MAPK6: variants seen among roughly 807,000 people sequenced by gnomAD.
The protein encoded by MAPK6 is mitogen-activated protein kinase 6.
MAPK6 carries 19 observed loss-of-function variants against 59.3 expected under a neutral mutation model. The observed-to-expected ratio is 0.32, with a 90% CI of 0.22 to 0.47. The LOEUF is 0.47. MAPK6 is among the 20% of genes least tolerant of loss of function. MAPK6 has a pLI of 1.00. For missense variants in MAPK6, 724 were observed against 847.9 expected (o/e 0.85, Z 1.81); for synonymous variants, 316 against 290.3 (o/e 1.09, Z -0.90).
intron 5 of MAPK6, among the ~76,000 whole-genome samples, chr15:52,061,829 A>G (rs1164490112): frequency 6.6e-6 from 1 of 152,194 alleles, no homozygotes; most frequent in African/African-American, 2.4e-5. Context: ...CCGTTAATTA[A>G]AACATTTAAT....
chr15:52,026,638 C>T (rs757985935), intron 1 of MAPK6, among the ~76,000 whole-genome samples: 66 of 152,144 alleles, frequency 4.3e-4, no homozygotes, highest in Admixed American at 4.6e-4. Context: ...CCTATAGTCA[C>T]AGGCCTATGT....
chr15:52,040,264 T>G (rs2031376312), intron 1 of MAPK6, among the ~76,000 whole-genome samples: 1 of 152,222 alleles, frequency 6.6e-6, no homozygotes, highest in African/African-American at 2.4e-5. Context: ...AACCTTTCCC[T>G]TCTGTCCAAA....
At chr15:52,049,223 T>C (rs528796682) in intron 2 of MAPK6, among the ~76,000 whole-genome samples, 14 of 152,312 alleles carry the variant, frequency 9.2e-5, no homozygotes, top group Non-Finnish European at 1.9e-4. Context: ...GGTTTATAAG[T>C]AGCACCTCTG....
At chr15:52,044,907 T>C (rs1172849698) in intron 1 of MAPK6, among the ~76,000 whole-genome samples, 1 of 151,120 alleles carries the variant, frequency 6.6e-6, no homozygotes, top group African/African-American at 2.4e-5. Context: ...GAATTTGGTA[T>C]TTGTCTCATT....
intron 3 of MAPK6, among the ~76,000 whole-genome samples, chr15:52,005,785 C>A (rs1264625056): frequency 6.6e-6 from 1 of 152,096 alleles, no homozygotes; most frequent in African/African-American, 2.4e-5. Context: ...AGTGGCAGAA[C>A]TGGGGCTTAC....
chr15:52,057,775 T>C (rs754658817), intron 3 of MAPK6, among the ~76,000 whole-genome samples: 23 of 152,252 alleles, frequency 1.5e-4, no homozygotes, highest in Non-Finnish European at 2.6e-4. Context: ...CTCTTGACTT[T>C]AAAAAAGTAT....
intron 1 of MAPK6, among the ~76,000 whole-genome samples, chr15:52,044,135 CA>C (rs1176260556): frequency 6.6e-6 from 1 of 151,896 alleles, no homozygotes; most frequent in East Asian, 1.9e-4. Context: ...TGTTTTATTA[CA>C]GATAGACTGG....
intron 3 of MAPK6, among the ~76,000 whole-genome samples, chr15:52,054,048 C>T (rs948837874): frequency 5.3e-5 from 8 of 151,770 alleles, no homozygotes; most frequent in Non-Finnish European, 1.5e-5. Context: ...ATGTTTTCTC[C>T]TGTGTTGTCT....
chr15:51,996,624 G>C (rs2057225019), intron 2 of MAPK6, among the ~76,000 whole-genome samples: 1 of 152,004 alleles, frequency 6.6e-6, no homozygotes, highest in African/African-American at 2.4e-5. Flanking sequence ...TCGAACTCCT[G>C]GCCTCAAGCG....
intron 3 of MAPK6, among the ~76,000 whole-genome samples, chr15:52,006,476 A>G (rs2057259029): frequency 1.3e-5 from 2 of 152,228 alleles, no homozygotes; most frequent in Admixed American, 1.3e-4. Flanking sequence ...CATTTTTTTG[A>G]GAAACCACTA....
intron 3 of MAPK6, among the ~76,000 whole-genome samples, chr15:52,052,263 C>G (rs2031807454): frequency 6.6e-6 from 1 of 152,138 alleles, no homozygotes; most frequent in South Asian, 2.1e-4. Context: ...ATGACAGTTA[C>G]CAAGAGGCTT....
chr15:52,002,913 G>A (rs1160848408), intron 2 of MAPK6, among the ~76,000 whole-genome samples: 3 of 152,172 alleles, frequency 2.0e-5, no homozygotes, highest in African/African-American at 7.2e-5. Flanking sequence ...AGATCACCGG[G>A]CGCGGTGGCT....
At chr15:52,055,506 A>C (rs1240234085) in intron 3 of MAPK6, among the ~76,000 whole-genome samples, 1 of 152,064 alleles carries the variant, frequency 6.6e-6, no homozygotes, top group East Asian at 1.9e-4. Flanking sequence ...TGGATTATAC[A>C]AAGGGTTTTT....
chr15:52,059,111 A>G (rs1249164449), intron 4 of MAPK6, among the ~76,000 whole-genome samples: 1 of 152,136 alleles, frequency 6.6e-6, no homozygotes, highest in Non-Finnish European at 1.5e-5. Flanking sequence ...AAATGCCTGG[A>G]TAAAAAGAAA....
At chr15:51,987,122 G>A (rs568915891) in intron 2 of MAPK6, among the ~76,000 whole-genome samples, 2 of 152,276 alleles carry the variant, frequency 1.3e-5, no homozygotes, top group East Asian at 3.9e-4. Context: ...TTTTCTCTGG[G>A]AGTACTGGAG....
chr15:52,011,989 C>G (rs1395895602), intron 3 of MAPK6, among the ~76,000 whole-genome samples: 1 of 152,186 alleles, frequency 6.6e-6, no homozygotes, highest in Non-Finnish European at 1.5e-5. Context: ...GACAGGTGGC[C>G]ATTGTTTTCT....
intron 1 of MAPK6, among the ~76,000 whole-genome samples, chr15:52,040,797 A>G (rs1464408525): frequency 1.3e-5 from 2 of 152,168 alleles, no homozygotes; most frequent in East Asian, 3.8e-4. Context: ...ACTGCCTTAT[A>G]AACTTAGGAA....
At chr15:52,045,247 T>A (rs1036504758) in intron 1 of MAPK6, among the ~76,000 whole-genome samples, 1 of 152,242 alleles carries the variant, frequency 6.6e-6, no homozygotes, top group African/African-American at 2.4e-5. Flanking sequence ...CAGAGATGCA[T>A]GTTTTTTCAA....
chr15:52,054,883 G>A (rs1395833664), intron 3 of MAPK6, among the ~76,000 whole-genome samples: 2 of 152,044 alleles, frequency 1.3e-5, no homozygotes, highest in African/African-American at 4.8e-5. Context: ...CGCCTCCCAG[G>A]TTCAAGCGAC....
Sources: gnomAD v4.1 joint callset for allele counts (sites outside exome capture counted in the v4.1 genomes callset) on GRCh38, gnomAD v4.1.1 for gene constraint, MANE v1.5 for transcripts, NCBI Gene and HGNC (gene_info 2026-07-23, HGNC 2026-07-21) for gene names.